The following IRAG2 variants were observed in gnomAD, a reference collection of about 807,000 sequenced individuals.
The protein encoded by IRAG2 is lymphoid restricted membrane protein.
A neutral mutation model predicts 69.9 loss-of-function variants in IRAG2; 45 were observed. The ratio of observed to expected loss-of-function variants is 0.64; its 90% CI spans 0.51 to 0.83. The LOEUF is 0.83. Among genes scored for constraint, IRAG2 ranks in the 40% least tolerant of loss-of-function variants. IRAG2 has a pLI of 0.00. For synonymous variants in IRAG2, 193 were observed against 202.4 expected (o/e 0.95, Z 0.40); for missense variants, 520 against 587.0 (o/e 0.89, Z 1.18).
chr12:25,056,052 G>A (rs190026807), intron 1 of IRAG2, among the ~76,000 whole-genome samples: 3 of 152,264 alleles, frequency 2.0e-5, no homozygotes, highest in Admixed American at 6.5e-5. Context: ...TTATTTGAAC[G>A]TAGTATCTGC....
chr12:25,063,572 C>A, intron 3 of IRAG2, 148 bp from the exon 4 acceptor site: 1 of 393,722 alleles, frequency 2.5e-6, no homozygotes, highest in Non-Finnish European at 4.5e-6. Flanking sequence ...AGCTTTTTTA[C>A]TTGACAGAAT....
intron 13 of IRAG2, among the ~76,000 whole-genome samples, chr12:25,034,439 T>A (rs1944690223): frequency 6.6e-6 from 1 of 152,250 alleles, no homozygotes. Flanking sequence ...AGCATTTTCT[T>A]ACATGTGTTT....
At chr12:25,029,759 C>T (rs550901730) in intron 9 of IRAG2, among the ~76,000 whole-genome samples, 86 of 152,140 alleles carry the variant, frequency 5.7e-4, no homozygotes, top group African/African-American at 2.0e-3. Context: ...TAGCTCACTG[C>T]ACCTTCGAAC....
At chr12:25,021,354 T>A (rs150046243) in intron 7 of IRAG2, among the ~76,000 whole-genome samples, 2 of 152,264 alleles carry the variant, frequency 1.3e-5, no homozygotes, top group East Asian at 3.9e-4. Flanking sequence ...ATATCTGGAA[T>A]GCCTCCTAAA....
intron 8 of IRAG2, chr12:25,026,656 T>A (rs1944624281): frequency 2.5e-6 from 1 of 401,536 alleles, no homozygotes; most frequent in Non-Finnish European, 4.3e-6. Context: ...ATGGGAGTAG[T>A]GGCTGAGGTT....
intron 5 of IRAG2, chr12:25,017,068 A>G (rs1177493157): frequency 7.6e-6 from 9 of 1,191,338 alleles, no homozygotes; most frequent in Non-Finnish European, 8.4e-6. Context: ...GTTTAACCGT[A>G]TACCTTATTT....
intron 13 of IRAG2, among the ~76,000 whole-genome samples, chr12:25,034,858 C>T (rs1437445013): frequency 6.6e-6 from 1 of 152,202 alleles, no homozygotes; most frequent in Non-Finnish European, 1.5e-5. Context: ...CAGCCCTGGA[C>T]ATTCTGCTGA....
intron 16 of IRAG2, among the ~76,000 whole-genome samples, chr12:25,038,532 C>T (rs1048711235): frequency 1.3e-5 from 2 of 151,630 alleles, no homozygotes; most frequent in African/African-American, 4.8e-5. Context: ...ATCCCAGCTA[C>T]TTGGGAGGCT....
At chr12:25,047,272 T>A (rs1190189657), upstream of IRAG2, among the ~76,000 whole-genome samples, 1 of 152,150 alleles carries the variant, frequency 6.6e-6, no homozygotes, top group Non-Finnish European at 1.5e-5. Context: ...CAAGATTTCT[T>A]GGATATGACA....
exon 2 of IRAG2, chr12:25,005,259 A>G (rs859136): frequency 0.14 from 175,590 of 1,224,224 alleles, 13,583 homozygotes; most frequent in Non-Finnish European, 0.16. Flanking sequence ...CAAGAAGCTG[A>G]TGATGGTAAA....
At position 25,022,369 on chromosome 12, in the gene IRAG2, T is replaced by C. The variant is rs1456748732; in HGVS notation, c.1332+1462T>C. Reference sequence around the variant, plus strand: ...ATTAGCCAGGCGTGGTGACACACACTTGTAATCCCAGCTACTTGGGAGGCT... The same window carrying C: ...ATTAGCCAGGCGTGGTGACACACACCTGTAATCCCAGCTACTTGGGAGGCT... On this transcript the variant is annotated intron_variant, in intron 7 of 38. Transcript: ENST00000636465. Among the ~76,000 whole-genome samples the C allele has an allele frequency of 7.2e-5, 11 of 152,116 alleles. No homozygotes were observed. In the East Asian group the frequency reaches 1.5e-3, roughly 21 times the overall value.
chr12:25,102,360 ATG>A, intron 17 of IRAG2, 119 bp downstream of exon 17: 1 of 754,346 alleles, frequency 1.3e-6, no homozygotes, highest in Admixed American at 2.8e-5. Flanking sequence ...ATTCATATAG[ATG>A]TATTTGTTTA....
At chr12:25,086,432 T>C (rs1422608224) in intron 10 of IRAG2, among the ~76,000 whole-genome samples, 2 of 152,174 alleles carry the variant, frequency 1.3e-5, no homozygotes, top group South Asian at 2.1e-4. Flanking sequence ...ATCTGAGACA[T>C]TGATAGTCGG....
At chr12:25,042,583 A>G (rs1024921551) in intron 16 of IRAG2, among the ~76,000 whole-genome samples, 2 of 151,978 alleles carry the variant, frequency 1.3e-5, no homozygotes, top group Non-Finnish European at 2.9e-5. Flanking sequence ...CTCCTGCTTC[A>G]GCCTCCTGAG....
rs773895640 is a variant in IRAG2, at chr12:25,106,913, T to G, written c.1149-30T>G. The G allele has an allele frequency of 2.5e-5, 28 of 1,124,558 alleles. No homozygotes were observed. The Admixed American group carries it at 5.7e-4, about 23-fold the overall frequency. 69.7% of individuals were successfully genotyped at this position (1,124,558 alleles called of 1,614,324 possible). A position where few individuals can be genotyped will look rare whatever the true frequency, so the allele number is the denominator to read the frequency against. ...TAATTATAGCATATTATCCTTAGTTTCAAATATTAAAAACAACATTTATTT... is the reference window on the plus strand; with the variant it reads ...TAATTATAGCATATTATCCTTAGTTGCAAATATTAAAAACAACATTTATTT... On this transcript the variant is annotated intron_variant, in intron 20 of 21. Coordinates refer to ENST00000556887, the MANE Select transcript of IRAG2 (RefSeq NM_001366544.2).
At position 25,084,540 on chromosome 12, in the gene IRAG2, G is replaced by GGTGTGT. The variant is rs34550767; in HGVS notation, c.315+1070_315+1075dup. ...TCTTGCTATGTTGTATGCATGGAGG[G>GGTGTGT]GTGTGTGTGTGTGTGTGTGTGTGTG... On this transcript the variant is annotated intron_variant, in intron 10 of 21. Transcript: ENST00000556887. 2.9e-3 allele frequency among the ~76,000 whole-genome samples: 422 copies of GGTGTGT among 147,328 alleles called. 1 individual carries two copies. Among genetic ancestry groups the GGTGTGT allele is most frequent in the African/African-American group, 5.8e-3 (233 of 40,232 alleles).
At chr12:25,105,511 C>T (rs2140267647) in intron 20 of IRAG2, among the ~76,000 whole-genome samples, 1 of 152,190 alleles carries the variant, frequency 6.6e-6, no homozygotes, top group Middle Eastern at 3.4e-3. Context: ...TAAAGATGAG[C>T]ATGACATGGT....
intron 1 of IRAG2, among the ~76,000 whole-genome samples, chr12:25,053,487 T>A (rs2139892989): frequency 6.6e-6 from 1 of 152,220 alleles, no homozygotes; most frequent in Non-Finnish European, 1.5e-5. Context: ...TACATCTACA[T>A]ACATATTTTG....
Position 25,028,570 on chromosome 12 carries a change from T to C in IRAG2, c.1461+1704T>C, listed in dbSNP as rs1187498271. Among the ~76,000 whole-genome samples the C allele has an allele frequency of 2.6e-5, 4 of 152,292 alleles. No homozygotes were observed. In the East Asian group the frequency reaches 7.7e-4, roughly 29 times the overall value. ...ATTAAGAAATTATACCTTACAAAAATATTTTTTGTCTAGATAGTGTCTAAA... is the reference window on the plus strand; with the variant it reads ...ATTAAGAAATTATACCTTACAAAAACATTTTTTGTCTAGATAGTGTCTAAA... On this transcript the variant is annotated intron_variant, in intron 9 of 38. Transcript: ENST00000636465.
Sources: gnomAD v4.1 joint callset for allele counts (sites outside exome capture counted in the v4.1 genomes callset) on GRCh38, gnomAD v4.1.1 for gene constraint, MANE v1.5 for transcripts, NCBI Gene and HGNC (gene_info 2026-07-23, HGNC 2026-07-21) for gene names.